Variants in ACSM1 observed in about 807,000 individuals in gnomAD.
The protein encoded by ACSM1 is acyl-coenzyme A synthetase ACSM1, mitochondrial.
ACSM1 carries 79 observed loss-of-function variants against 75.8 expected under a neutral mutation model. The observed-to-expected ratio is 1.04, with a 90% CI of 0.87 to 1.26. ACSM1 has a LOEUF of 1.26. Ranked by LOEUF, ACSM1 falls within the 50% of genes most tolerant of loss-of-function variation. The pLI, the probability that ACSM1 is intolerant of heterozygous loss-of-function variation, is 0.00. For synonymous variants in ACSM1, 279 were observed against 265.8 expected, an observed-to-expected ratio of 1.05 and a Z score of -0.48; for missense variants, 676 against 720.1, an observed-to-expected ratio of 0.94 and a Z score of 0.70.
intron 7 of ACSM1, among the ~76,000 whole-genome samples, chr16:20,644,538 A>AACACACAC (rs56275246): frequency 2.3e-4 from 34 of 145,116 alleles, no homozygotes; most frequent in Non-Finnish European, 4.3e-4. Flanking sequence ...GTGATTGAGG[A>AACACACAC]ACACACACAC....
At chr16:20,637,060 C>A in intron 9 of ACSM1, 2 of 745,190 alleles carry the variant, frequency 2.7e-6, no homozygotes, top group Admixed American at 1.8e-5. Context: ...ACCAATGTGT[C>A]TTCAAGTTGG....
At chr16:20,672,912 T>A (rs1489802909) in intron 4 of ACSM1, among the ~76,000 whole-genome samples, 1 of 128,822 alleles carries the variant, frequency 7.8e-6, no homozygotes, top group African/African-American at 3.1e-5. Flanking sequence ...TAAATATATA[T>A]AAAACATATT....
intron 4 of ACSM1, among the ~76,000 whole-genome samples, chr16:20,677,853 G>A (rs796394119): frequency 6.6e-6 from 1 of 151,864 alleles, no homozygotes; most frequent in Non-Finnish European, 1.5e-5. Flanking sequence ...CCATGTTCAT[G>A]AGGCTATTTA....
At chr16:20,652,988 G>A (rs931808366) in intron 7 of ACSM1, among the ~76,000 whole-genome samples, 6 of 152,092 alleles carry the variant, frequency 3.9e-5, no homozygotes, top group African/African-American at 7.2e-5. Flanking sequence ...GATGAACATC[G>A]ATGTAAAAAT....
chr16:20,674,032 T>C (rs2020117664), intron 4 of ACSM1: 1 of 419,084 alleles, frequency 2.4e-6, no homozygotes, highest in Non-Finnish European at 4.8e-6. Flanking sequence ...TTCTGACAAC[T>C]GACTTGATGA....
At chr16:20,672,176 G>A (rs185194822) in intron 4 of ACSM1, among the ~76,000 whole-genome samples, 16 of 151,710 alleles carry the variant, frequency 1.1e-4, no homozygotes, top group African/African-American at 3.6e-4. Context: ...AAACTCAGTC[G>A]GCATCCTAGT....
At chr16:20,693,328 C>T (rs1307567495) in intron 1 of ACSM1, among the ~76,000 whole-genome samples, 1 of 152,114 alleles carries the variant, frequency 6.6e-6, no homozygotes, top group Non-Finnish European at 1.5e-5. Context: ...CCTCATTGCC[C>T]CTTCAGATCC....
chr16:20,656,190 T>C (rs2018948350), intron 7 of ACSM1, among the ~76,000 whole-genome samples: 1 of 152,174 alleles, frequency 6.6e-6, no homozygotes, highest in South Asian at 2.1e-4. Flanking sequence ...TCTTTTATTC[T>C]GCATGCCTGT....
Position 20,623,240 on chromosome 16 carries a change from G to T in ACSM1, c.*246C>A. On this transcript the variant is annotated 3_prime_UTR_variant, in exon 14 of 14. Coordinates refer to ENST00000520010, the MANE Select transcript of ACSM1 (RefSeq NM_001318890.3). The stretch of plus-strand genomic sequence containing the variant: ...TAAATGCTCAACACAGGGTATTGTT[G>T]ATATCAGTATTTTATTACTTGCGTT... The T allele has an allele frequency of 2.2e-6, 1 of 462,010 alleles. No homozygotes were observed. The highest frequency in any genetic ancestry group is 4.0e-6 in the Non-Finnish European group (1 of 252,460). The allele number at this position is 462,010 out of a possible 1,614,324, so 28.6% of individuals were successfully genotyped here. A position where few individuals can be genotyped will look rare whatever the true frequency, so the allele number is the denominator to read the frequency against.
intron 7 of ACSM1, among the ~76,000 whole-genome samples, chr16:20,655,997 A>G (rs1382902081): frequency 1.3e-5 from 2 of 152,066 alleles, no homozygotes; most frequent in Non-Finnish European, 2.9e-5. Context: ...TAAATTTTTA[A>G]TTGTTTCTTT....
At chr16:20,638,166 CCA>C (rs1268120305) in intron 8 of ACSM1, among the ~76,000 whole-genome samples, 1 of 152,186 alleles carries the variant, frequency 6.6e-6, no homozygotes, top group African/African-American at 2.4e-5. Context: ...CTTGACTCCA[CCA>C]CACACTAAAT....
chr16:20,642,341 G>T (rs2018111663), intron 7 of ACSM1, among the ~76,000 whole-genome samples: 1 of 152,164 alleles, frequency 6.6e-6, no homozygotes, highest in Admixed American at 6.5e-5. Context: ...TAACCCATCA[G>T]CCCCACGTGC....
At chr16:20,684,043 A>G (rs2079502505) in intron 3 of ACSM1, among the ~76,000 whole-genome samples, 1 of 152,212 alleles carries the variant, frequency 6.6e-6, no homozygotes, top group Non-Finnish European at 1.5e-5. Flanking sequence ...GATCAAGAGT[A>G]TGGCAGAGTG....
chr16:20,670,596 C>T (rs796570609), intron 5 of ACSM1, among the ~76,000 whole-genome samples: 6 of 152,360 alleles, frequency 3.9e-5, no homozygotes, highest in African/African-American at 1.4e-4. Context: ...AAATCTACTA[C>T]AAGGTCTGCA....
intron 7 of ACSM1, among the ~76,000 whole-genome samples, chr16:20,659,394 G>A (rs1036661126): frequency 2.6e-5 from 4 of 152,058 alleles, no homozygotes; most frequent in South Asian, 2.1e-4. Context: ...GGCCAAGAGC[G>A]GGGACTGAGG....
At chr16:20,657,017 A>G (rs543762789) in intron 7 of ACSM1, among the ~76,000 whole-genome samples, 1 of 152,266 alleles carries the variant, frequency 6.6e-6, no homozygotes, top group South Asian at 2.1e-4. Flanking sequence ...TAAAATTAAA[A>G]AATATATATA....
intron 2 of ACSM1, 117 bp from the exon 3 acceptor site, chr16:20,685,520 C>T: frequency 1.0e-6 from 1 of 983,412 alleles, no homozygotes; most frequent in Admixed American, 1.9e-5. Flanking sequence ...GACTGAGATC[C>T]CATTTTAAAA....
chr16:20,691,471 G>T (rs1274035319), intron 1 of ACSM1, among the ~76,000 whole-genome samples: 1 of 152,098 alleles, frequency 6.6e-6, no homozygotes, highest in Non-Finnish European at 1.5e-5. Context: ...CGCGTTCCTA[G>T]GGGTCTTCTC....
At chr16:20,649,042 T>C (rs747584259) in intron 7 of ACSM1, among the ~76,000 whole-genome samples, 3 of 152,224 alleles carry the variant, frequency 2.0e-5, no homozygotes, top group Non-Finnish European at 4.4e-5. Context: ...CTCCCATGTA[T>C]ACATGTTAAA....
Sources: gnomAD v4.1 joint callset for allele counts (sites outside exome capture counted in the v4.1 genomes callset) on GRCh38, gnomAD v4.1.1 for gene constraint, MANE v1.5 for transcripts, NCBI Gene and HGNC (gene_info 2026-07-23, HGNC 2026-07-21) for gene names.